The following NLGN4X variants were observed in gnomAD, a reference collection of about 807,000 sequenced individuals.
NLGN4X encodes neuroligin 4 X-linked, also known as neuroligin-4, X-linked.
Under a neutral mutation model 40.3 loss-of-function variants are expected in NLGN4X, and 3 were observed. The observed-to-expected ratio is 0.07, with a 90% confidence interval of 0.03 to 0.19. The LOEUF is 0.19. NLGN4X is among the 10% of genes least tolerant of loss of function. The probability of loss-of-function intolerance (pLI) is 1.00; values close to 1 mark genes in which losing one functional copy is unlikely to be tolerated. For missense variants in NLGN4X, 382 were observed against 708.3 expected (o/e 0.54, Z 5.23); for synonymous variants, 270 against 306.8 (o/e 0.88, Z 1.25).
At chrX:6,046,862 TAC>T (rs1471518164) in intron 2 of NLGN4X, among the ~76,000 whole-genome samples, 1 of 75,268 alleles carries the variant, frequency 1.3e-5, no homozygotes, top group Non-Finnish European at 2.7e-5. Context: ...CATATATATA[TAC>T]ACATGTCTGT....
At chrX:6,133,389 T>A (rs2147629492) in intron 2 of NLGN4X, among the ~76,000 whole-genome samples, 1 of 112,221 alleles carries the variant, frequency 8.9e-6, no homozygotes, top group South Asian at 3.7e-4. Flanking sequence ...ACCTCCTAAT[T>A]TAACTGAACA....
chrX:5,896,640 G>A (rs1014401848), intron 5 of NLGN4X, among the ~76,000 whole-genome samples: 5 of 112,100 alleles, frequency 4.5e-5, no homozygotes, highest in African/African-American at 1.6e-4. Flanking sequence ...AGAGACTCAA[G>A]TGCCTTTCTA....
chrX:6,032,479 A>G (rs978778002), intron 2 of NLGN4X, among the ~76,000 whole-genome samples: 3 of 109,442 alleles, frequency 2.7e-5, no homozygotes, highest in African/African-American at 9.9e-5. Context: ...CAATGTTTAT[A>G]CTTCTCACAG....
chrX:6,113,954 G>A (rs2039212320), intron 2 of NLGN4X, among the ~76,000 whole-genome samples: 1 of 110,843 alleles, frequency 9.0e-6, no homozygotes, highest in African/African-American at 3.3e-5. Context: ...CCAAGTAGCT[G>A]TAACTACAGG....
intron 3 of NLGN4X, among the ~76,000 whole-genome samples, chrX:6,015,471 G>C (rs1279213852): frequency 9.0e-6 from 1 of 111,043 alleles, no homozygotes; most frequent in Non-Finnish European, 1.9e-5. Flanking sequence ...ACAAAACCTT[G>C]TAAGGAACGG....
chrX:6,145,077 G>A (rs376726512), intron 2 of NLGN4X, among the ~76,000 whole-genome samples: 1 of 111,632 alleles, frequency 9.0e-6, no homozygotes, highest in East Asian at 2.8e-4. Context: ...ATTTTGGACA[G>A]TGAAGTGAAG....
chrX:5,985,340 G>T (rs2035501167), intron 3 of NLGN4X, among the ~76,000 whole-genome samples: 1 of 111,799 alleles, frequency 8.9e-6, no homozygotes, highest in Non-Finnish European at 1.9e-5. Flanking sequence ...GGTCACTGCA[G>T]CCTTGAACTC....
intron 2 of NLGN4X, among the ~76,000 whole-genome samples, chrX:6,057,873 A>G (rs1403619925): frequency 8.9e-6 from 1 of 111,771 alleles, no homozygotes; most frequent in African/African-American, 3.3e-5. Flanking sequence ...GGTGAGCCCA[A>G]AGCAATTTAC....
intron 1 of NLGN4X, among the ~76,000 whole-genome samples, chrX:6,225,681 C>CTTTCTTTTTTTT (rs1926162512): frequency 3.0e-5 from 1 of 33,810 alleles, no homozygotes; most frequent in Non-Finnish European, 5.0e-5. Context: ...TTTTTTCTTT[C>CTTTCTTTTTTTT]TTTTTTTCTT....
At chrX:6,031,342 A>G (rs1185564628) in intron 2 of NLGN4X, among the ~76,000 whole-genome samples, 1 of 111,949 alleles carries the variant, frequency 8.9e-6, no homozygotes. Context: ...GGCTACCTGA[A>G]GCAGGTGTAG....
intron 2 of NLGN4X, among the ~76,000 whole-genome samples, chrX:6,133,168 C>T (rs1159679855): frequency 2.2e-5 from 1 of 44,487 alleles, no homozygotes. Context: ...TCATTATCAC[C>T]ATCATCACTA....
At chrX:6,219,653 T>C (rs1436324891) in intron 1 of NLGN4X, among the ~76,000 whole-genome samples, 1 of 109,062 alleles carries the variant, frequency 9.2e-6, no homozygotes, top group Non-Finnish European at 1.9e-5. Context: ...CCGTCCTTTC[T>C]TCCTTCCTTC....
chrX:6,197,445 A>ATTTTTTTTTTTTTTTTTT (rs1430016429), intron 1 of NLGN4X, among the ~76,000 whole-genome samples: 9 of 86,705 alleles, frequency 1.0e-4, no homozygotes, highest in Non-Finnish European at 1.9e-4. Flanking sequence ...TTTTTTTTGT[A>ATTTTTTTTTTTTTTTTTT]TTTTTTATAG....
intron 3 of NLGN4X, among the ~76,000 whole-genome samples, chrX:5,916,024 C>T (rs948742506): frequency 8.1e-5 from 9 of 111,672 alleles, no homozygotes; most frequent in African/African-American, 2.9e-4. Flanking sequence ...AGGACCTGCT[C>T]ATTTGGGTGC....
intron 3 of NLGN4X, among the ~76,000 whole-genome samples, chrX:5,925,933 A>AT (rs2033298234): frequency 2.1e-5 from 1 of 48,144 alleles, no homozygotes; most frequent in African/African-American, 7.0e-5. Flanking sequence ...TATATATATA[A>AT]ACCTGCGAAG....
chrX:6,113,255 C>T (rs1223750435), intron 2 of NLGN4X, among the ~76,000 whole-genome samples: 1 of 110,992 alleles, frequency 9.0e-6, no homozygotes, highest in Non-Finnish European at 1.9e-5. Flanking sequence ...TTAATAGTGT[C>T]AAATGTACAA....
At chrX:5,946,055 G>A (rs1169069824) in intron 3 of NLGN4X, among the ~76,000 whole-genome samples, 1 of 111,540 alleles carries the variant, frequency 9.0e-6, no homozygotes, top group Non-Finnish European at 1.9e-5. Flanking sequence ...GTGCTCATCA[G>A]TATTACTCTA....
chrX:6,090,065 A>C (rs914684768), intron 2 of NLGN4X, among the ~76,000 whole-genome samples: 7 of 111,292 alleles, frequency 6.3e-5, no homozygotes, highest in Admixed American at 9.6e-5. Context: ...TCACGTAAAC[A>C]CATGTCCTAT....
chrX:6,158,460 T>C (rs754296342), intron 1 of NLGN4X, among the ~76,000 whole-genome samples: 4 of 111,783 alleles, frequency 3.6e-5, no homozygotes, highest in African/African-American at 1.3e-4. Context: ...ACAGATAGCC[T>C]CAACATAGGA....
Sources: allele counts gnomAD v4.1 joint callset (sites outside exome capture counted in the v4.1 genomes callset), GRCh38; gene constraint gnomAD v4.1.1; transcripts MANE v1.5; gene names NCBI Gene and HGNC (gene_info 2026-07-23, HGNC 2026-07-21).